The following CDH13 variants were observed in gnomAD, a reference collection of about 807,000 sequenced individuals.
The protein encoded by CDH13 is cadherin 13, also known as cadherin-13.
CDH13 carries 24 observed loss-of-function variants against 63.8 expected under a neutral mutation model. The observed-to-expected ratio is 0.38, with a 90% CI of 0.27 to 0.53. The LOEUF (loss-of-function observed/expected upper bound fraction) is 0.53. CDH13 is among the 20% of genes least tolerant of loss of function. The pLI is 0.85. For missense variants in CDH13, 1,049 were observed against 903.1 expected (o/e 1.16, Z -2.07); for synonymous variants, 503 against 355.3 (o/e 1.42, Z -4.67).
intron 7 of CDH13, among the ~76,000 whole-genome samples, chr16:83,497,515 G>T (rs1276646462): frequency 8.8e-6 from 1 of 113,856 alleles, no homozygotes; most frequent in Non-Finnish European, 1.7e-5. Context: ...CTGTTGTGGG[G>T]TGGGGGGAGG....
At chr16:82,935,830 G>A (rs1026907441) in intron 2 of CDH13, among the ~76,000 whole-genome samples, 2 of 152,136 alleles carry the variant, frequency 1.3e-5, no homozygotes, top group East Asian at 3.9e-4. Flanking sequence ...GAGGAGTTTA[G>A]GAGTGGAGGT....
At chr16:83,504,090 C>G (rs1234020007) in intron 7 of CDH13, among the ~76,000 whole-genome samples, 1 of 152,052 alleles carries the variant, frequency 6.6e-6, no homozygotes, top group Non-Finnish European at 1.5e-5. Flanking sequence ...CCTGCACAGT[C>G]TGCATATGTA....
intron 8 of CDH13, among the ~76,000 whole-genome samples, chr16:83,624,346 C>CCG (rs1555505872): frequency 6.6e-6 from 1 of 151,522 alleles, no homozygotes; most frequent in African/African-American, 2.4e-5. Context: ...ACGCCCCCAC[C>CCG]CCTGCCCCAG....
At chr16:83,048,263 T>C (rs956838148) in intron 3 of CDH13, among the ~76,000 whole-genome samples, 1 of 152,182 alleles carries the variant, frequency 6.6e-6, no homozygotes, top group Non-Finnish European at 1.5e-5. Context: ...TGAAAAGAAC[T>C]CAAGCATGTA....
chr16:82,829,347 A>T (rs1282002926), intron 1 of CDH13: 1 of 152,106 alleles, frequency 6.6e-6, no homozygotes. Context: ...GGAAATACAC[A>T]GTTTGGGAGC....
chr16:82,694,349 C>G (rs2029992465), intron 1 of CDH13, among the ~76,000 whole-genome samples: 1 of 152,146 alleles, frequency 6.6e-6, no homozygotes, highest in South Asian at 2.1e-4. Flanking sequence ...TTTCACCACC[C>G]CAACATTTTT....
intron 1 of CDH13, among the ~76,000 whole-genome samples, chr16:82,652,246 G>C (rs1910806159): frequency 6.6e-6 from 1 of 152,180 alleles, no homozygotes; most frequent in Non-Finnish European, 1.5e-5. Context: ...AGCCTGTCAT[G>C]GTGGAACCCC....
In CDH13 at chr16:82,804,580, C is replaced by T. The variant is rs142750378; in HGVS notation, c.46-53782C>T. Among the ~76,000 whole-genome samples the T allele has an allele frequency of 2.0e-5, 3 of 152,236 alleles. No individual in the cohort carries two copies. The East Asian group carries it at 5.8e-4, about 29-fold the overall frequency. Reference sequence around the variant, plus strand: ...CTTGTGTGAACATCTTCCTCATTTTCCCCATATGAAAAATAGTGGATTTAA... The same window carrying T: ...CTTGTGTGAACATCTTCCTCATTTTTCCCATATGAAAAATAGTGGATTTAA... On this transcript the variant is annotated intron_variant, in intron 1 of 13. Transcript: ENST00000567109.
intron 7 of CDH13, among the ~76,000 whole-genome samples, chr16:83,519,730 G>A (rs192566056): frequency 2.7e-4 from 41 of 152,204 alleles, no homozygotes; most frequent in African/African-American, 7.2e-4. Flanking sequence ...GCAATGGTGC[G>A]GGGAGAGGAA....
At chr16:82,803,949 G>A (rs1191414717) in intron 1 of CDH13, among the ~76,000 whole-genome samples, 9 of 152,288 alleles carry the variant, frequency 5.9e-5, no homozygotes, top group Non-Finnish European at 1.0e-4. Context: ...GTGTTCAGAG[G>A]CTGGGCGCCA....
At chr16:83,528,486 C>T (rs2075011781) in intron 7 of CDH13, among the ~76,000 whole-genome samples, 1 of 152,128 alleles carries the variant, frequency 6.6e-6, no homozygotes, top group African/African-American at 2.4e-5. Flanking sequence ...GGCTCATTCT[C>T]AGGGGTTGAG....
chr16:83,192,357 G>C (rs1277594658), intron 4 of CDH13, among the ~76,000 whole-genome samples: 2 of 152,234 alleles, frequency 1.3e-5, no homozygotes, highest in African/African-American at 2.4e-5. Context: ...GGTAGATGCA[G>C]AATAAAGGGT....
At chr16:83,408,200 G>A (rs1321521869) in intron 6 of CDH13, among the ~76,000 whole-genome samples, 6 of 152,064 alleles carry the variant, frequency 3.9e-5, no homozygotes, top group Non-Finnish European at 7.3e-5. Flanking sequence ...ATCATCACTA[G>A]AACAATAAGT....
intron 6 of CDH13, among the ~76,000 whole-genome samples, chr16:83,440,784 C>CAAAA (rs34731612): frequency 8.1e-6 from 1 of 123,586 alleles, no homozygotes; most frequent in Non-Finnish European, 1.7e-5. Flanking sequence ...GACTTCATCT[C>CAAAA]AAAAAAAAAA....
chr16:83,661,693 G>C lies in CDH13; in HGVS notation c.1102-9097G>C, dbSNP rs539463354. Among the ~76,000 whole-genome samples, 6 of 152,276 alleles carry C rather than the reference G, an allele frequency of 3.9e-5. No individual in the cohort carries two copies. The South Asian group carries it at 1.2e-3, about 32-fold the overall frequency. ...CAGTTCTGTATTTGGTGTAGACAGGGTCATGTAGAGGAAGAGTACAGTCAC... is the reference window on the plus strand; with the variant it reads ...CAGTTCTGTATTTGGTGTAGACAGGCTCATGTAGAGGAAGAGTACAGTCAC... On this transcript the variant is annotated intron_variant, in intron 8 of 13. Coordinates refer to ENST00000567109, the MANE Select transcript of CDH13 (RefSeq NM_001257.5).
intron 5 of CDH13, among the ~76,000 whole-genome samples, chr16:83,245,436 C>G (rs1904893773): frequency 6.6e-6 from 1 of 152,216 alleles, no homozygotes. Flanking sequence ...GAAATACTGT[C>G]TCATACTTTG....
chr16:83,064,338 C>A (rs1403372356), intron 3 of CDH13, among the ~76,000 whole-genome samples: 1 of 146,956 alleles, frequency 6.8e-6, no homozygotes, highest in Non-Finnish European at 1.5e-5. Flanking sequence ...CATTGCACTC[C>A]AGCCTGGGTG....
In CDH13 at chr16:82,779,334, C is replaced by G. The variant is rs143973034; in HGVS notation, c.46-79028C>G. On this transcript the variant is annotated intron_variant, in intron 1 of 13. Coordinates refer to ENST00000567109, the MANE Select transcript of CDH13 (RefSeq NM_001257.5). ...TGTGGTCTCTACCAGTGCACTTTGC[C>G]ACTTCACAGAACTATCCAGCCAGAA... is the stretch of plus-strand genomic sequence containing the variant. Among the ~76,000 whole-genome samples the G allele has an allele frequency of 2.6e-3, 393 of 152,276 alleles. 4 individuals carry two copies. The highest frequency in any genetic ancestry group is 9.0e-3 in the African/African-American group (376 of 41,548).
intron 5 of CDH13, among the ~76,000 whole-genome samples, chr16:83,227,583 G>T (rs2039878841): frequency 6.6e-6 from 1 of 152,196 alleles, no homozygotes; most frequent in African/African-American, 2.4e-5. Context: ...CCTGCCCACT[G>T]CTTCCTGTTT....
Sources: gnomAD v4.1 joint callset for allele counts (sites outside exome capture counted in the v4.1 genomes callset) on GRCh38, gnomAD v4.1.1 for gene constraint, MANE v1.5 for transcripts, NCBI Gene and HGNC (gene_info 2026-07-23, HGNC 2026-07-21) for gene names.